Variants in SYK observed in about 807,000 individuals in gnomAD.
The protein encoded by SYK is spleen associated tyrosine kinase.
In SYK, 16 loss-of-function variants were observed where a neutral mutation model predicts 77.8. The observed-to-expected ratio is 0.21, with a 90% CI of 0.14 to 0.31. The LOEUF (loss-of-function observed/expected upper bound fraction) is 0.31. SYK is among the 10% of genes least tolerant of loss of function. The pLI is 1.00. For synonymous variants in SYK, 312 were observed against 308.7 expected (o/e 1.01, Z -0.11); for missense variants, 529 against 814.4 (o/e 0.65, Z 4.26).
chr9:90,869,628 G>T (rs1392869664), intron 7 of SYK, among the ~76,000 whole-genome samples: 1 of 152,102 alleles, frequency 6.6e-6, no homozygotes, highest in Admixed American at 6.6e-5. Flanking sequence ...TTGTTAATTT[G>T]CTCAGTGTAC....
intron 6 of SYK, among the ~76,000 whole-genome samples, chr9:90,865,585 AGGCATGAGCC>A (rs1827454002): frequency 6.6e-6 from 1 of 152,176 alleles, no homozygotes; most frequent in Admixed American, 6.5e-5. Flanking sequence ...CTTGGATTAC[AGGCATGAGCC>A]ACCACACTCT....
rs1237227040 is a variant in SYK, at chr9:90,862,255, G to A, written c.628G>A (p.Glu210Lys). 5.6e-6 allele frequency: 9 copies of A among 1,614,086 alleles called. No individual in the cohort carries two copies. The highest frequency in any genetic ancestry group is 1.3e-5 in the African/African-American group (1 of 75,038). The part of the protein sequence containing the change: ...NGSYALCLLH[E>K]GKVLHYRIDK... Reference sequence around the variant, plus strand: ...CTCCTACGCCCTGTGCCTGCTGCACGAAGGGAAGGTGCTGCACTATCGCAT... The same window carrying A: ...CTCCTACGCCCTGTGCCTGCTGCACAAAGGGAAGGTGCTGCACTATCGCAT... The change falls in exon 4 of 14, where the codon GAA becomes AAA. Residue 210 changes from glutamate to lysine, a missense_variant. Around this residue, in one of 2 missense-constraint regions of SYK, gnomAD observed 321 missense variants for 433.1 expected, o/e 0.74. Transcript: ENST00000375754.
chr9:90,838,431 C>T lies in SYK; in HGVS notation c.-41-5427C>T, dbSNP rs1826167804. On this transcript the variant is annotated intron_variant, in intron 1 of 13. Coordinates refer to ENST00000375754, the MANE Select transcript of SYK (RefSeq NM_003177.7). The stretch of plus-strand genomic sequence containing the variant: ...GGGAAGGGAGGTATGCGGCCCAGGA[C>T]ATTACAGAAGATTATTTCATGTCAA... Among the ~76,000 whole-genome samples the T allele has an allele frequency of 2.0e-5, 3 of 152,200 alleles. No homozygotes were observed. In the South Asian group the frequency reaches 6.2e-4, roughly 32 times the overall value.
intron 3 of SYK, among the ~76,000 whole-genome samples, chr9:90,851,832 G>A (rs1263731175): frequency 2.0e-5 from 3 of 152,016 alleles, no homozygotes; most frequent in African/African-American, 7.3e-5. Flanking sequence ...TGAGGGGTCC[G>A]AAGCATATAC....
chr9:90,845,231 C>T (rs112740526), intron 2 of SYK, among the ~76,000 whole-genome samples: 5,380 of 152,190 alleles, frequency 0.035, 312 homozygotes, highest in African/African-American at 0.12. Context: ...CCACCGTGCC[C>T]GGCCATGTTA....
chr9:90,835,241 G>T (rs530371632), intron 1 of SYK, among the ~76,000 whole-genome samples: 12 of 152,352 alleles, frequency 7.9e-5, no homozygotes, highest in African/African-American at 2.9e-4. Flanking sequence ...TAAATTGAGT[G>T]TGGGGGATGT....
intron 1 of SYK, among the ~76,000 whole-genome samples, chr9:90,840,964 A>G (rs1244812253): frequency 1.3e-5 from 2 of 152,198 alleles, no homozygotes; most frequent in Non-Finnish European, 2.9e-5. Flanking sequence ...GTGCATGTTG[A>G]GAAGAAGCCG....
intron 1 of SYK, among the ~76,000 whole-genome samples, chr9:90,810,731 T>C (rs1825040550): frequency 6.6e-6 from 1 of 152,196 alleles, no homozygotes; most frequent in African/African-American, 2.4e-5. Flanking sequence ...TTTCTTTCAC[T>C]TTAGATGTGC....
chr9:90,878,477 G>A (rs1334172369), intron 10 of SYK, among the ~76,000 whole-genome samples: 2 of 152,320 alleles, frequency 1.3e-5, no homozygotes, highest in East Asian at 3.9e-4. Context: ...ACAAGGATTT[G>A]AGGTGGTGCC....
At chr9:90,856,574 G>A (rs549298290) in intron 3 of SYK, among the ~76,000 whole-genome samples, 1 of 148,786 alleles carries the variant, frequency 6.7e-6, no homozygotes, top group South Asian at 2.1e-4. Flanking sequence ...ACATTTTTTA[G>A]AAAATTTCTA....
chr9:90,847,391 CTCCTGGGTTCTTAT>C lies in SYK; in HGVS notation c.578+1814_578+1827del, dbSNP rs3838338. On this transcript the variant is annotated intron_variant, in intron 3 of 13. Transcript: ENST00000375754. ...GCACCCTCTCCTTAGTTGTCTTCTT[CTCCTGGGTTCTTAT>C]TCCTGGGTTCTTATTCTCCTGGGTT... is the stretch of plus-strand genomic sequence containing the variant. 5.5e-4 allele frequency among the ~76,000 whole-genome samples: 84 copies of C among 152,208 alleles called. No individual in the cohort carries two copies. In the East Asian group the frequency reaches 0.011, roughly 20 times the overall value.
chr9:90,832,144 C>T (rs567317724), intron 1 of SYK, among the ~76,000 whole-genome samples: 1 of 152,282 alleles, frequency 6.6e-6, no homozygotes, highest in South Asian at 2.1e-4. Context: ...CACCATATTT[C>T]CCCAGGAGCA....
intron 6 of SYK, 104 bp from the exon 7 acceptor site, chr9:90,867,027 A>T: frequency 3.3e-6 from 4 of 1,213,002 alleles, no homozygotes; most frequent in African/African-American, 1.5e-5. Context: ...GGAGGGGGTT[A>T]GTGGTGCGAT....
chr9:90,837,718 A>T (rs1826140829), intron 1 of SYK, among the ~76,000 whole-genome samples: 1 of 152,216 alleles, frequency 6.6e-6, no homozygotes, highest in Non-Finnish European at 1.5e-5. Context: ...AATACCTGAG[A>T]GATGGCGGTG....
rs187766297 is a variant in SYK at position 90,806,757 on chromosome 9, G to T, written c.-42+4864G>T. Among the ~76,000 whole-genome samples the T allele has an allele frequency of 1.1e-3, 166 of 152,224 alleles. 1 individual carries two copies. The highest frequency in any genetic ancestry group is 3.9e-3 in the African/African-American group (163 of 41,520). On this transcript the variant is annotated intron_variant, in intron 1 of 13. Transcript: ENST00000375754. ...AACTTTTATGATTTCTTCCATCAGG[G>T]TGCATTCTGAATCATGCTTAGTGAG... is the stretch of plus-strand genomic sequence containing the variant.
intron 12 of SYK, 151 bp downstream of exon 12, chr9:90,888,040 G>A (rs35478826): frequency 0.066 from 65,820 of 1,002,910 alleles, 3,498 homozygotes; most frequent in Admixed American, 0.26. Context: ...ATTCCAAACT[G>A]AGAATGAAAT....
chr9:90,802,098 C>T (rs1242480163), intron 1 of SYK: 1 of 152,384 alleles, frequency 6.6e-6, no homozygotes, highest in Non-Finnish European at 1.5e-5. Context: ...GAAGCTGCGC[C>T]GGGAGAGAGG....
intron 3 of SYK, among the ~76,000 whole-genome samples, chr9:90,855,303 C>T (rs376058310): frequency 1.3e-5 from 2 of 152,180 alleles, no homozygotes; most frequent in Non-Finnish European, 2.9e-5. Flanking sequence ...CAAAGCAAGG[C>T]GTCACCTGCC....
At chr9:90,872,127 C>T (rs935015099) in intron 7 of SYK, among the ~76,000 whole-genome samples, 4 of 152,198 alleles carry the variant, frequency 2.6e-5, no homozygotes, top group Non-Finnish European at 5.9e-5. Context: ...TAAAATTCTT[C>T]CCTGCAGGAT....
Sources: allele counts gnomAD v4.1 joint callset (sites outside exome capture counted in the v4.1 genomes callset), GRCh38; gene constraint gnomAD v4.1.1; regional missense constraint gnomAD v4.1.1; transcripts MANE v1.5; gene names NCBI Gene and HGNC (gene_info 2026-07-23, HGNC 2026-07-21).